RNF157: variants seen among roughly 807,000 people sequenced by gnomAD.
RNF157 encodes E3 ubiquitin ligase RNF157.
Under a neutral mutation model 88.3 loss-of-function variants are expected in RNF157, and 55 were observed. The ratio of observed to expected loss-of-function variants is 0.62; its 90% CI spans 0.50 to 0.78. The LOEUF is 0.78. Ranked by LOEUF, RNF157 falls within the 30% of genes least tolerant of loss-of-function variation. RNF157 has a pLI of 0.00. For synonymous variants in RNF157, 334 were observed against 341.2 expected, an observed-to-expected ratio of 0.98 and a Z score of 0.23; for missense variants, 788 against 860.8, an observed-to-expected ratio of 0.92 and a Z score of 1.06.
intron 18 of RNF157, among the ~76,000 whole-genome samples, chr17:76,151,179 C>G (rs1344635820): frequency 6.6e-6 from 1 of 152,236 alleles, no homozygotes; most frequent in African/African-American, 2.4e-5. Flanking sequence ...GCAGGAGAAG[C>G]AGGGGAACTG....
chr17:76,187,383 A>G (rs2069310649), intron 2 of RNF157, among the ~76,000 whole-genome samples: 1 of 151,372 alleles, frequency 6.6e-6, no homozygotes, highest in African/African-American at 2.4e-5. Context: ...TGGGGGTTTC[A>G]TCATGTTGGC....
rs576078199 is a variant in RNF157, at chr17:76,176,302, T to C, written c.208-2512A>G. 6.6e-6 allele frequency among the ~76,000 whole-genome samples: 1 copy of C among 152,264 alleles called. No individual in the cohort carries two copies. The highest frequency in any genetic ancestry group is 2.1e-4 in the South Asian group (1 of 4,818). ...AAGTGATCATTTCTGGCTGAGGTAA[T>C]CTGAAGGCTTCATGGAGGAGTTGGT... is the stretch of plus-strand genomic sequence containing the variant. On this transcript the variant is annotated intron_variant, in intron 2 of 18. Coordinates refer to ENST00000269391, the MANE Select transcript of RNF157 (RefSeq NM_052916.3). This position sits in a 1 kb window ranked among gnomAD's most constrained non-coding sequence, Gnocchi z 4.2.
At chr17:76,228,919 A>G (rs535928681) in intron 1 of RNF157, among the ~76,000 whole-genome samples, 1 of 151,816 alleles carries the variant, frequency 6.6e-6, no homozygotes, top group African/African-American at 2.4e-5. Context: ...GTGAGACTCC[A>G]TTTCAAAATA....
chr17:76,165,390 C>G (rs1263399633), intron 7 of RNF157, 112 bp downstream of exon 7: 1 of 1,095,506 alleles, frequency 9.1e-7, no homozygotes, highest in Non-Finnish European at 1.4e-6. Flanking sequence ...ATTATAGCCT[C>G]TAAAGCCAGA....
chr17:76,151,208 T>C (rs754128805), intron 18 of RNF157, among the ~76,000 whole-genome samples: 3 of 152,206 alleles, frequency 2.0e-5, no homozygotes, highest in Admixed American at 1.3e-4. Flanking sequence ...TCTTTTGGTC[T>C]CACTGAAAAT....
rs1208086612 is a variant in RNF157, at chr17:76,145,324, T to C, written c.1951A>G (p.Ser651Gly). ...AAGCGCCGGCGCTGGGCATTCCGAC[T>C]GACGGCATTGTCATCAGCCTGCCAG... is the stretch of plus-strand genomic sequence containing the variant. The part of the protein sequence containing the change: ...GAWQADDNAV[S>G]RNAQRRRLSS... The change falls in exon 19 of 19, where the codon AGT becomes GGT. Residue 651 changes from serine (S) to glycine (G), a missense_variant. Ser to Gly is a moderately conservative substitution (Grantham distance 56, BLOSUM62 0). Coordinates refer to ENST00000269391, the MANE Select transcript of RNF157 (RefSeq NM_052916.3). 1.2e-6 allele frequency: 2 copies of C among 1,613,050 alleles called. No individual in the cohort carries two copies. Among genetic ancestry groups the C allele is most frequent in the Non-Finnish European group, 1.7e-6 (2 of 1,179,640 alleles).
intron 18 of RNF157, 147 bp from the exon 19 acceptor site, chr17:76,145,500 G>A (rs772356017): frequency 4.6e-5 from 28 of 604,512 alleles, no homozygotes; most frequent in South Asian, 1.9e-4. Context: ...CACAGCACTC[G>A]TGTGTGAGAA....
chr17:76,150,141 T>C (rs1228191029), intron 18 of RNF157, among the ~76,000 whole-genome samples: 1 of 127,162 alleles, frequency 7.9e-6, no homozygotes, highest in South Asian at 2.6e-4. Context: ...TCACACATAT[T>C]TTTTTTCTTG....
At chr17:76,186,990 ACT>A (rs2069303001) in intron 2 of RNF157, among the ~76,000 whole-genome samples, 2 of 149,422 alleles carry the variant, frequency 1.3e-5, no homozygotes, top group Admixed American at 1.3e-4. Flanking sequence ...TAAAATCTCA[ACT>A]CTGGTTTGAG....
chr17:76,156,283 CAA>C lies in RNF157; in HGVS notation c.1450_1451del (p.Leu484ValfsTer7). ...ACTGGTCAATAGCTCCAGATGACGA[CAA>C]GGTGAGATTCTCACTTTCTGGAGTC... ...GVTPESENLT[L>X]SSSGAIDQSS... On this transcript the variant is annotated frameshift_variant, in exon 14 of 19. Transcript: ENST00000269391. LOFTEE classifies it high-confidence loss of function. The C allele has an allele frequency of 1.1e-5, 17 of 1,614,102 alleles. No individual in the cohort carries two copies. Among genetic ancestry groups the C allele is most frequent in the Non-Finnish European group, 1.4e-5 (17 of 1,180,010 alleles).
rs368187765 is a variant in RNF157, at chr17:76,185,595, G to A, written c.208-11805C>T. On this transcript the variant is annotated intron_variant, in intron 2 of 18. Coordinates refer to ENST00000269391, the MANE Select transcript of RNF157 (RefSeq NM_052916.3). ...CGCCATTCTCCTGCCTCAGCCTCCC[G>A]AGTAGCTGGGACTACAGGCACCCGC... is the stretch of plus-strand genomic sequence containing the variant. Among the ~76,000 whole-genome samples, 37 of 151,080 alleles carry A rather than the reference G, an allele frequency of 2.4e-4. No homozygotes were observed. The East Asian group carries it at 4.3e-3, about 17-fold the overall frequency.
intron 3 of RNF157, among the ~76,000 whole-genome samples, chr17:76,172,098 C>T (rs570837940): frequency 4.6e-5 from 7 of 152,302 alleles, no homozygotes; most frequent in Non-Finnish European, 8.8e-5. Context: ...TCTCTCCTCC[C>T]CAGAGTTGAC....
chr17:76,218,401 G>T (rs1290106664), intron 1 of RNF157, among the ~76,000 whole-genome samples: 1 of 152,200 alleles, frequency 6.6e-6, no homozygotes, highest in Non-Finnish European at 1.5e-5. Flanking sequence ...AGTACTTTGG[G>T]AGGCCAAGGC....
intron 1 of RNF157, among the ~76,000 whole-genome samples, chr17:76,238,078 G>A (rs1380142023): frequency 2.8e-5 from 4 of 143,400 alleles, no homozygotes; most frequent in Non-Finnish European, 4.5e-5. Flanking sequence ...AGAGAGAGAC[G>A]ATGACTCAAA....
intron 2 of RNF157, among the ~76,000 whole-genome samples, chr17:76,187,340 T>C (rs567912769): frequency 2.8e-4 from 42 of 148,592 alleles, no homozygotes; most frequent in Admixed American, 2.8e-3. Context: ...CATGACACCA[T>C]GCCCAGCTAA....
At position 76,167,143 on chromosome 17, in the gene RNF157, G is replaced by C. The variant is rs774209506; in HGVS notation, c.444-17C>G. 1.3e-6 allele frequency: 2 copies of C among 1,593,752 alleles called. No individual in the cohort carries two copies. Among genetic ancestry groups the C allele is most frequent in the Non-Finnish European group, 1.7e-6 (2 of 1,163,278 alleles). ...GGAATGTAGCTATTGATACAAGTGG[G>C]AGGCAAAGCAAAAGTCAGTATCCGG... On this transcript the variant is annotated splice_polypyrimidine_tract_variant and intron_variant, in intron 4 of 18. Coordinates refer to ENST00000269391, the MANE Select transcript of RNF157 (RefSeq NM_052916.3).
In RNF157 at chr17:76,159,472, A is replaced by G; in HGVS notation, c.1167T>C (p.Leu389=). Reference sequence around the variant, plus strand: ...GCATTCCTGAGAGGTGGCCATCTCCAAGCACGTGAAGTGGAGGAACTGCTG... The same window carrying G: ...GCATTCCTGAGAGGTGGCCATCTCCGAGCACGTGAAGTGGAGGAACTGCTG... ...PSPAVPPLHV[L]GDGHLSGMLP... Residue 389 remains leucine (L), a synonymous_variant, in exon 12 of 19, where the codon CTT becomes CTC. Coordinates refer to ENST00000269391, the MANE Select transcript of RNF157 (RefSeq NM_052916.3). 1 of 1,610,064 alleles carries G rather than the reference A, an allele frequency of 6.2e-7. No homozygotes were observed. Among genetic ancestry groups the G allele is most frequent in the East Asian group, 2.2e-5 (1 of 44,682 alleles).
intron 17 of RNF157, 179 bp downstream of exon 17, chr17:76,154,104 A>G: frequency 1.6e-6 from 1 of 634,158 alleles, no homozygotes; most frequent in Non-Finnish European, 2.8e-6. Flanking sequence ...AGGAGGTCAT[A>G]GAGATCATCA....
chr17:76,235,477 C>T (rs762102358), intron 1 of RNF157, among the ~76,000 whole-genome samples: 10 of 152,126 alleles, frequency 6.6e-5, no homozygotes, highest in African/African-American at 1.9e-4. Context: ...GGATTACAGG[C>T]GTGAGCCACT....
Sources: allele counts gnomAD v4.1 joint callset (sites outside exome capture counted in the v4.1 genomes callset), GRCh38; gene constraint gnomAD v4.1.1; non-coding constraint Gnocchi (gnomAD v3.1); transcripts MANE v1.5; gene names NCBI Gene and HGNC (gene_info 2026-07-23, HGNC 2026-07-21).